YTHDC2: variants seen among roughly 807,000 people sequenced by gnomAD.
The protein encoded by YTHDC2 is 3'-5' RNA helicase YTHDC2.
Under a neutral mutation model 174.9 loss-of-function variants are expected in YTHDC2, and 45 were observed. The ratio of observed to expected loss-of-function variants is 0.26; its 90% CI spans 0.20 to 0.33. The LOEUF is 0.33. Among genes scored for constraint, YTHDC2 ranks in the 10% least tolerant of loss-of-function variants. The probability of loss-of-function intolerance (pLI) is 1.00; values close to 1 mark genes in which losing one functional copy is unlikely to be tolerated. For missense variants in YTHDC2, 1,650 were observed against 1,723.7 expected (o/e 0.96, Z 0.76); for synonymous variants, 657 against 574.5 (o/e 1.14, Z -2.05).
chr5:113,588,597 C>CATTT (rs139378923), intron 26 of YTHDC2, among the ~76,000 whole-genome samples: 33,482 of 148,704 alleles, frequency 0.23, 4,211 homozygotes, highest in Admixed American at 0.35. Flanking sequence ...CTTATGAAGC[C>CATTT]ATTTATTTAT....
At chr5:113,529,492 C>A (rs10036298) in intron 4 of YTHDC2, among the ~76,000 whole-genome samples, 49,067 of 152,024 alleles carry the variant, frequency 0.32, 9,888 homozygotes, top group African/African-American at 0.56. Flanking sequence ...GAGTTAACAT[C>A]TTTCTGTACT....
Position 113,567,841 on chromosome 5 carries a change from C to A in YTHDC2, c.3236C>A (p.Ser1079Tyr). 1 of 1,526,138 alleles carries A rather than the reference C, an allele frequency of 6.6e-7. No homozygotes were observed. The highest frequency in any genetic ancestry group is 8.8e-7 in the Non-Finnish European group (1 of 1,137,074). 94.5% of individuals were successfully genotyped at this position (1,526,138 alleles called of 1,614,324 possible). A position where few individuals can be genotyped will look rare whatever the true frequency, so the allele number is the denominator to read the frequency against. Reference sequence around the variant, plus strand: ...AGTAATGCTCTTCAGGAACCTTCATCCTTTAGAGGTAAATGTATTAAGGAA... The same window carrying A: ...AGTAATGCTCTTCAGGAACCTTCATACTTTAGAGGTAAATGTATTAAGGAA... ...LASNALQEPS[S>Y]FRVDGIPNDS... Residue 1079 changes from serine (S) to tyrosine (Y), a missense_variant, in exon 23 of 30, where the codon TCC (serine) becomes TAC (tyrosine). This residue lies in a region of YTHDC2 where 913 missense variants were observed against 940.4 expected (regional missense o/e 0.97). Transcript: ENST00000161863.
At chr5:113,569,841 T>C (rs1323503757) in intron 23 of YTHDC2, among the ~76,000 whole-genome samples, 3 of 152,174 alleles carry the variant, frequency 2.0e-5, no homozygotes, top group African/African-American at 7.2e-5. Flanking sequence ...TTTGGTTCCA[T>C]AAGAATTTTG....
intron 10 of YTHDC2, among the ~76,000 whole-genome samples, chr5:113,545,682 T>G (rs1364930638): frequency 6.7e-6 from 1 of 150,028 alleles, no homozygotes; most frequent in African/African-American, 2.4e-5. Flanking sequence ...CATGAGCCAC[T>G]GTGCTGGGCC....
intron 26 of YTHDC2, 142 bp downstream of exon 26, chr5:113,584,621 C>T (rs1314848965): frequency 5.8e-6 from 4 of 688,282 alleles, no homozygotes; most frequent in Non-Finnish European, 6.8e-6. Context: ...AAACTTGATA[C>T]AGTTTGAGTA....
chr5:113,533,995 C>T (rs1378708030), intron 5 of YTHDC2, among the ~76,000 whole-genome samples: 1 of 151,996 alleles, frequency 6.6e-6, no homozygotes, highest in East Asian at 1.9e-4. Flanking sequence ...TTTTTATTCT[C>T]AGTGGTGATT....
intron 13 of YTHDC2, 68 bp downstream of exon 13, chr5:113,553,427 CA>C: frequency 1.3e-5 from 19 of 1,474,518 alleles, no homozygotes; most frequent in Non-Finnish European, 1.7e-5. Context: ...TTTAAGTGTA[CA>C]AATTTTTATA....
intron 23 of YTHDC2, among the ~76,000 whole-genome samples, chr5:113,571,334 G>C (rs1777701643): frequency 6.6e-6 from 1 of 152,188 alleles, no homozygotes; most frequent in African/African-American, 2.4e-5. Flanking sequence ...AAGCCAACTT[G>C]ATTGTGGTGG....
intron 21 of YTHDC2, among the ~76,000 whole-genome samples, 173 bp from the exon 22 acceptor site, chr5:113,566,919 T>C (rs1777369924): frequency 6.6e-6 from 1 of 152,138 alleles, no homozygotes; most frequent in East Asian, 1.9e-4. Flanking sequence ...GTATCTGTTT[T>C]AGGGTGGGGA....
In YTHDC2 at chr5:113,592,054, C is replaced by G. The variant is rs775560667; in HGVS notation, c.4088C>G (p.Ala1363Gly). ...GAAAAGAGTCAGGACTGGGGCTCTG[C>G]TGGACTAGGAGGAGTATTTAAGGTG... ...GREKSQDWGS[A>G]GLGGVFKVEW... Residue 1363 changes from alanine (A) to glycine (G), a missense_variant, in exon 28 of 30, where the codon GCT becomes GGT. This residue lies in a region of YTHDC2 where 913 missense variants were observed against 940.4 expected (regional missense o/e 0.97). Transcript: ENST00000161863. 4 of 1,612,744 alleles carry G rather than the reference C, an allele frequency of 2.5e-6. No individual in the cohort carries two copies. The South Asian group carries it at 3.3e-5, about 13-fold the overall frequency.
At chr5:113,526,441 G>A (rs1425172831) in intron 3 of YTHDC2, 145 bp from the exon 4 acceptor site, 1 of 555,296 alleles carries the variant, frequency 1.8e-6, no homozygotes, top group Non-Finnish European at 3.0e-6. Flanking sequence ...AGACTGAGTA[G>A]AGAAGAAAAC....
chr5:113,567,969 A>C, intron 23 of YTHDC2, 120 bp downstream of exon 23: 1 of 720,064 alleles, frequency 1.4e-6, no homozygotes, highest in Non-Finnish European at 2.0e-6. Context: ...TAGCAGCTCT[A>C]TTTTGATGTA....
At chr5:113,548,752 T>TA in intron 11 of YTHDC2, 85 bp downstream of exon 11, 1 of 1,391,704 alleles carries the variant, frequency 7.2e-7, no homozygotes, top group East Asian at 2.5e-5. Context: ...GTCTTTATAT[T>TA]AAAAACTATT....
chr5:113,581,876 A>G, intron 25 of YTHDC2, 167 bp downstream of exon 25: 1 of 529,412 alleles, frequency 1.9e-6, no homozygotes, highest in Non-Finnish European at 3.0e-6. Context: ...TGTTCAACTT[A>G]ATTCTTCTAA....
chr5:113,514,485 C>G (rs2112501636), intron 1 of YTHDC2, among the ~76,000 whole-genome samples: 1 of 152,282 alleles, frequency 6.6e-6, no homozygotes, highest in South Asian at 2.1e-4. Context: ...TAAATAAATG[C>G]ACCAGCAATA....
intron 2 of YTHDC2, among the ~76,000 whole-genome samples, chr5:113,518,742 T>C (rs1773659820): frequency 6.6e-6 from 1 of 152,142 alleles, no homozygotes; most frequent in Non-Finnish European, 1.5e-5. Context: ...TTTTAAAAAA[T>C]AGATTCCAGA....
chr5:113,552,490 C>T (rs1167331089), intron 12 of YTHDC2, among the ~76,000 whole-genome samples: 1 of 151,992 alleles, frequency 6.6e-6, no homozygotes, highest in African/African-American at 2.4e-5. Context: ...ATAAAATATC[C>T]ATGTTGTAGC....
intron 10 of YTHDC2, among the ~76,000 whole-genome samples, chr5:113,548,251 C>A (rs1224433345): frequency 6.6e-6 from 1 of 152,150 alleles, no homozygotes. Context: ...TAATAGCTTT[C>A]CTTTTCTGTT....
intron 12 of YTHDC2, among the ~76,000 whole-genome samples, chr5:113,552,759 C>T (rs1481299507): frequency 1.3e-5 from 2 of 152,048 alleles, no homozygotes; most frequent in Non-Finnish European, 2.9e-5. Flanking sequence ...AGCAGCTTTA[C>T]CATTTTACAT....
Sources: gnomAD v4.1 joint callset for allele counts (sites outside exome capture counted in the v4.1 genomes callset) on GRCh38, gnomAD v4.1.1 for gene constraint, gnomAD v4.1.1 regional missense constraint, MANE v1.5 for transcripts, NCBI Gene and HGNC (gene_info 2026-07-23, HGNC 2026-07-21) for gene names.